ACSM3: variants seen among roughly 807,000 people sequenced by gnomAD.
The protein encoded by ACSM3 is acyl-CoA synthetase medium chain family member 3, also known as acyl-coenzyme A synthetase ACSM3, mitochondrial.
A neutral mutation model predicts 74.1 loss-of-function variants in ACSM3; 61 were observed. The observed-to-expected ratio is 0.82, with a 90% CI of 0.67 to 1.02. The LOEUF (loss-of-function observed/expected upper bound fraction) is 1.02. ACSM3 is among the 50% of genes least tolerant of loss of function. The pLI is 0.00. For synonymous variants in ACSM3, 213 were observed against 241.5 expected (o/e 0.88, Z 1.09); for missense variants, 660 against 697.0 (o/e 0.95, Z 0.60).
In ACSM3 at chr16:20,785,127, A is replaced by C. The variant is rs2080444964; in HGVS notation, c.1143+20A>C. ...GAAACGGTACCTGACCTCACTGAAAAGACATAGCTGGATTCCATTTAGTCA... is the reference window on the plus strand; with the variant it reads ...GAAACGGTACCTGACCTCACTGAAACGACATAGCTGGATTCCATTTAGTCA... On this transcript the variant is annotated intron_variant, in intron 8 of 13. Coordinates refer to ENST00000289416, the MANE Select transcript of ACSM3 (RefSeq NM_005622.4). 6.2e-7 allele frequency: 1 copy of C among 1,611,980 alleles called. No individual in the cohort carries two copies. Among genetic ancestry groups the C allele is most frequent in the Non-Finnish European group, 8.5e-7 (1 of 1,178,858 alleles).
chr16:20,761,378 A>G (rs1484535758), upstream of ACSM3, among the ~76,000 whole-genome samples: 1 of 152,230 alleles, frequency 6.6e-6, no homozygotes, highest in Non-Finnish European at 1.5e-5. Flanking sequence ...CCATGGCAAA[A>G]TAAACCTCTA....
Position 20,797,566 on chromosome 16 carries a change from T to C in ACSM3, c.*594T>C, listed in dbSNP as rs1364601712. 3.1e-6 allele frequency: 4 copies of C among 1,278,366 alleles called. No individual in the cohort carries two copies. The highest frequency in any genetic ancestry group is 3.7e-5 in the Admixed American group (1 of 26,874). 79.2% of individuals were successfully genotyped at this position (1,278,366 alleles called of 1,614,324 possible). A position where few individuals can be genotyped will look rare whatever the true frequency, so the allele number is the denominator to read the frequency against. On this transcript the variant is annotated 3_prime_UTR_variant, in exon 14 of 14. Coordinates refer to ENST00000289416, the MANE Select transcript of ACSM3 (RefSeq NM_005622.4). ...TGCTTATTATATGTAATCTAATAAA[T>C]ACTGTTTACAAAAGATTACACTTGT...
At chr16:20,756,916 C>G (rs1030934635) in intron 3 of ACSM3, among the ~76,000 whole-genome samples, 48 of 152,032 alleles carry the variant, frequency 3.2e-4, no homozygotes, top group African/African-American at 1.2e-3. Context: ...GCTTGTTTTT[C>G]TCAGGTTTGT....
intron 1 of ACSM3, among the ~76,000 whole-genome samples, chr16:20,717,720 C>T (rs1055664827): frequency 1.3e-5 from 2 of 151,614 alleles, no homozygotes; most frequent in Admixed American, 1.3e-4. Context: ...GAAAAAAAAT[C>T]TTACAATAGA....
chr16:20,717,959 A>AGAGGAAGAGGAAGAG (rs1249114995), intron 1 of ACSM3, among the ~76,000 whole-genome samples: 5 of 51,974 alleles, frequency 9.6e-5, no homozygotes, highest in Non-Finnish European at 1.5e-4. Context: ...AGGAAGAGGA[A>AGAGGAAGAGGAAGAG]GAAGAAGAAG....
At chr16:20,683,538 C>A (rs1331851777) in intron 1 of ACSM3, among the ~76,000 whole-genome samples, 3 of 152,068 alleles carry the variant, frequency 2.0e-5, no homozygotes, top group East Asian at 3.8e-4. Flanking sequence ...CTCCCCTACA[C>A]CTTATTTTCT....
intron 1 of ACSM3, among the ~76,000 whole-genome samples, chr16:20,677,879 C>T (rs1438266742): frequency 6.6e-6 from 1 of 152,022 alleles, no homozygotes; most frequent in Non-Finnish European, 1.5e-5. Flanking sequence ...AAAAAAAAGG[C>T]TTTTAACTGC....
chr16:20,729,480 AGAGTGT>A (rs1725037815), intron 1 of ACSM3: 1 of 657,534 alleles, frequency 1.5e-6, no homozygotes, highest in Non-Finnish European at 2.8e-6. Flanking sequence ...TTTGAAGTGG[AGAGTGT>A]GCTTGCTGAG....
chr16:20,741,016 G>A (rs903536529), intron 1 of ACSM3, among the ~76,000 whole-genome samples: 7 of 152,142 alleles, frequency 4.6e-5, no homozygotes, highest in Non-Finnish European at 1.0e-4. Context: ...TGTAATCTCA[G>A]CACCTTGAGA....
At chr16:20,792,875 A>T (rs1283596519) in intron 12 of ACSM3, among the ~76,000 whole-genome samples, 1 of 152,206 alleles carries the variant, frequency 6.6e-6, no homozygotes, top group South Asian at 2.1e-4. Context: ...GGCTGACCAC[A>T]CAGTATTTTG....
intron 1 of ACSM3, chr16:20,681,992 T>C: frequency 2.9e-6 from 1 of 346,470 alleles, no homozygotes; most frequent in Non-Finnish European, 5.5e-6. Context: ...AATGATGTAA[T>C]ACATGTCTCA....
intron 1 of ACSM3, chr16:20,741,933 A>C: frequency 6.5e-7 from 1 of 1,533,418 alleles, no homozygotes; most frequent in Non-Finnish European, 8.7e-7. Flanking sequence ...TACCCGCCCA[A>C]GCCCCGCCTC....
At chr16:20,684,645 G>A (rs1046868035) in intron 1 of ACSM3, among the ~76,000 whole-genome samples, 3 of 152,136 alleles carry the variant, frequency 2.0e-5, no homozygotes, top group Admixed American at 1.3e-4. Context: ...GAATATTTTG[G>A]ATCTTATCAG....
intron 1 of ACSM3, among the ~76,000 whole-genome samples, chr16:20,717,320 C>T (rs1394245702): frequency 6.6e-6 from 1 of 152,204 alleles, no homozygotes; most frequent in Non-Finnish European, 1.5e-5. Context: ...ATGACTGTGA[C>T]TTGCTTAGAT....
At chr16:20,773,767 G>A (rs2152458492) in intron 2 of ACSM3, among the ~76,000 whole-genome samples, 1 of 152,216 alleles carries the variant, frequency 6.6e-6, no homozygotes, top group East Asian at 1.9e-4. Context: ...AATTTGTTTT[G>A]TGCCCTAACA....
At position 20,685,819 on chromosome 16, in the gene ACSM3, C is replaced by CAAAAAAA. The variant is rs71842093; in HGVS notation, c.-190+11003_-190+11009dup. 1.6e-3 allele frequency among the ~76,000 whole-genome samples: 81 copies of CAAAAAAA among 50,136 alleles called. 12 individuals carry two copies. The highest frequency in any genetic ancestry group is 1.8e-3 in the Non-Finnish European group (55 of 30,842). 32.9% of individuals were successfully genotyped at this position (50,136 alleles called of 152,430 possible). On this transcript the variant is annotated intron_variant, in intron 1 of 3. Transcript: ENST00000561584. ...TGGATGACACAGTGAGACTCCGTCT[C>CAAAAAAA]AAAAAAAAAAAACAAACAAAAAAAA...
At chr16:20,741,833 G>A (rs2079929676) in intron 1 of ACSM3, 1 of 1,539,056 alleles carries the variant, frequency 6.5e-7, no homozygotes, top group East Asian at 2.4e-5. Context: ...TCGGATATGA[G>A]CGACGGCCTC....
intron 1 of ACSM3, chr16:20,727,373 G>C: frequency 1.7e-6 from 1 of 586,636 alleles, no homozygotes; most frequent in South Asian, 1.4e-5. Flanking sequence ...GGCACTGCTT[G>C]ACAGGAGGGG....
At chr16:20,689,094 CAT>C (rs138526625) in intron 1 of ACSM3, among the ~76,000 whole-genome samples, 3,682 of 150,428 alleles carry the variant, frequency 0.024, 52 homozygotes, top group Non-Finnish European at 0.038. Flanking sequence ...ACATCAATAA[CAT>C]AAAGTGTGGG....
Sources: allele counts gnomAD v4.1 joint callset (sites outside exome capture counted in the v4.1 genomes callset), GRCh38; gene constraint gnomAD v4.1.1; transcripts MANE v1.5; gene names NCBI Gene and HGNC (gene_info 2026-07-23, HGNC 2026-07-21).